ABL2: variants seen among roughly 807,000 people sequenced by gnomAD.
The protein encoded by ABL2 is ABL proto-oncogene 2, non-receptor tyrosine kinase, also known as tyrosine-protein kinase ABL2.
Under a neutral mutation model 107.7 loss-of-function variants are expected in ABL2, and 49 were observed. The ratio of observed to expected loss-of-function variants is 0.45; its 90% confidence interval spans 0.36 to 0.58. The LOEUF (loss-of-function observed/expected upper bound fraction) is 0.58. Among genes scored for constraint, ABL2 ranks in the 20% least tolerant of loss-of-function variants. ABL2 has a pLI of 0.00. For missense variants in ABL2, 1,245 were observed against 1,457.0 expected (o/e 0.85, Z 2.37); for synonymous variants, 549 against 548.6 (o/e 1.00, Z -0.01).
Position 179,229,646 on chromosome 1 carries a change from G to GCCGCCT in ABL2, c.-250_-249insAGGCGG. On this transcript the variant is annotated 5_prime_UTR_variant, in exon 1 of 12. Coordinates refer to ENST00000502732, the MANE Select transcript of ABL2 (RefSeq NM_007314.4). ...CCGCGCCCCCAACGCCGCCGCCGCC[G>GCCGCCT]CCGCCGCCACCGCCGCCGCCATCTT... The GCCGCCT allele has an allele frequency of 2.0e-6, 1 of 495,928 alleles. No individual in the cohort carries two copies. Among genetic ancestry groups the GCCGCCT allele is most frequent in the Non-Finnish European group, 3.5e-6 (1 of 287,170 alleles). 30.7% of individuals were successfully genotyped at this position (495,928 alleles called of 1,614,324 possible). A position where few individuals can be genotyped will look rare whatever the true frequency, so the allele number is the denominator to read the frequency against.
intron 1 of ABL2, among the ~76,000 whole-genome samples, chr1:179,179,848 C>T (rs1163354961): frequency 1.3e-5 from 2 of 151,892 alleles, no homozygotes; most frequent in Non-Finnish European, 2.9e-5. Flanking sequence ...TGCTTGTAAT[C>T]CCAGGACTTT....
At chr1:179,156,782 G>A (rs113848130) in intron 1 of ABL2, among the ~76,000 whole-genome samples, 98 of 152,120 alleles carry the variant, frequency 6.4e-4, no homozygotes, top group African/African-American at 2.1e-3. Context: ...GAAAGGTGAC[G>A]CAGGAGAATT....
intron 1 of ABL2, among the ~76,000 whole-genome samples, chr1:179,178,207 G>C (rs1045774190): frequency 4.6e-5 from 7 of 151,910 alleles, no homozygotes; most frequent in Non-Finnish European, 8.8e-5. Flanking sequence ...AGACCAGCCT[G>C]GTCAACATGG....
At chr1:179,145,306 C>A (rs1657905850) in intron 1 of ABL2, among the ~76,000 whole-genome samples, 1 of 152,058 alleles carries the variant, frequency 6.6e-6, no homozygotes, top group Non-Finnish European at 1.5e-5. Flanking sequence ...ATAGTAAATT[C>A]TGATACTTTG....
chr1:179,224,852 C>CAA (rs34472235), intron 1 of ABL2, among the ~76,000 whole-genome samples: 17 of 64,938 alleles, frequency 2.6e-4, no homozygotes, highest in Admixed American at 5.2e-4. Context: ...TCCGTCTCTA[C>CAA]AAAAAAAAAA....
intron 1 of ABL2, among the ~76,000 whole-genome samples, chr1:179,173,337 A>G (rs1659839393): frequency 6.6e-6 from 1 of 150,820 alleles, no homozygotes; most frequent in Admixed American, 6.6e-5. Context: ...AGCCACAAAC[A>G]TTAAAGTTAG....
intron 6 of ABL2, 107 bp downstream of exon 6, chr1:179,120,083 C>A: frequency 1.5e-6 from 1 of 656,412 alleles, no homozygotes; most frequent in South Asian, 2.6e-5. Flanking sequence ...CAGAGCGAGA[C>A]CCTGTCTCTA....
intron 1 of ABL2, among the ~76,000 whole-genome samples, chr1:179,144,530 A>T (rs1657861920): frequency 6.6e-6 from 1 of 152,226 alleles, no homozygotes; most frequent in Admixed American, 6.5e-5. Flanking sequence ...ATAAATATTT[A>T]TTAAGCACCT....
intron 1 of ABL2, among the ~76,000 whole-genome samples, chr1:179,163,937 G>A (rs1310914854): frequency 6.6e-6 from 1 of 152,162 alleles, no homozygotes; most frequent in Non-Finnish European, 1.5e-5. Context: ...GTCTCCCACA[G>A]AAGCCAATCT....
At chr1:179,166,245 G>A (rs1158274547) in intron 1 of ABL2, among the ~76,000 whole-genome samples, 1 of 152,016 alleles carries the variant, frequency 6.6e-6, no homozygotes, top group East Asian at 1.9e-4. Flanking sequence ...CAGACAAATG[G>A]AGCTATATTA....
intron 1 of ABL2, among the ~76,000 whole-genome samples, chr1:179,174,668 T>C (rs983338410): frequency 1.3e-5 from 2 of 151,348 alleles, no homozygotes; most frequent in African/African-American, 4.9e-5. Context: ...CTACTGGGGC[T>C]GAGCACAGTG....
intron 3 of ABL2, among the ~76,000 whole-genome samples, chr1:179,130,473 T>C (rs373713351): frequency 2.6e-5 from 4 of 152,228 alleles, no homozygotes; most frequent in African/African-American, 9.6e-5. Context: ...TGCATGAAGA[T>C]AGTAGTTCAG....
At chr1:179,124,464 CTTTT>C (rs562899587) in intron 4 of ABL2, among the ~76,000 whole-genome samples, 2 of 83,350 alleles carry the variant, frequency 2.4e-5, no homozygotes, top group African/African-American at 5.3e-5. Flanking sequence ...TTAGCTTCTG[CTTTT>C]TTTTTTTTTT....
intron 1 of ABL2, among the ~76,000 whole-genome samples, chr1:179,175,318 G>T (rs1423411014): frequency 6.8e-6 from 1 of 146,602 alleles, no homozygotes; most frequent in Non-Finnish European, 1.5e-5. Context: ...AGAAAATAAA[G>T]AGAGGCAAGA....
rs28991603 is a variant in ABL2, at chr1:179,203,714, T to C, written c.157+25527A>G. On this transcript the variant is annotated intron_variant, in intron 1 of 11. Transcript: ENST00000502732. ...GCCCCACATGCTATACATTATTTCATTTAGTATGAAATTGGGATAAGAGAA... is the reference window on the plus strand; with the variant it reads ...GCCCCACATGCTATACATTATTTCACTTAGTATGAAATTGGGATAAGAGAA... 2.0e-4 allele frequency among the ~76,000 whole-genome samples: 31 copies of C among 152,280 alleles called. No individual in the cohort carries two copies. In the East Asian group the frequency reaches 5.8e-3, roughly 28 times the overall value.
chr1:179,108,200 T>G lies in ABL2; in HGVS notation c.3067A>C (p.Lys1023Gln). Residue 1023 changes from lysine (K) to glutamine (Q), a missense_variant, in exon 12 of 12, where the codon AAG becomes CAG. Coordinates refer to ENST00000502732, the MANE Select transcript of ABL2 (RefSeq NM_007314.4). ...GGCACTGCGCCCAGAGCTGCCTTCT[T>G]TCCTCCTTCCTGTGTTTCTGATGTG... ...QSTSETQEGG[K>Q]KAALGAVPIS... 1 of 1,614,172 alleles carries G rather than the reference T, an allele frequency of 6.2e-7. No homozygotes were observed. Among genetic ancestry groups the G allele is most frequent in the African/African-American group, 1.3e-5 (1 of 75,038 alleles).
In ABL2 at chr1:179,190,479, A is replaced by G. The variant is rs571102515; in HGVS notation, c.157+38762T>C. Among the ~76,000 whole-genome samples, 14 of 152,326 alleles carry G rather than the reference A, an allele frequency of 9.2e-5. No homozygotes were observed. In the South Asian group the frequency reaches 2.1e-3, roughly 23 times the overall value. On this transcript the variant is annotated intron_variant, in intron 1 of 11. Transcript: ENST00000502732. ...AGCTATCCCAAAGCTGTCTCAACCC[A>G]GTACTTCTAGGTTTCGTGGAAGCTT...
intron 3 of ABL2, among the ~76,000 whole-genome samples, chr1:179,127,130 ACTT>A (rs1443277875): frequency 6.6e-6 from 1 of 152,208 alleles, no homozygotes; most frequent in Non-Finnish European, 1.5e-5. Flanking sequence ...ATACAAAGTG[ACTT>A]CTAAATTTCA....
Position 179,101,030 on chromosome 1 carries a change from T to C in ABL2, c.*6688A>G, listed in dbSNP as rs1426894406. Reference sequence around the variant, plus strand: ...CGCAGCAACTGCCAAGTGAACACTCTCAGGAAACCACTTCAAGTGGCGGAT... The same window carrying C: ...CGCAGCAACTGCCAAGTGAACACTCCCAGGAAACCACTTCAAGTGGCGGAT... On this transcript the variant is annotated 3_prime_UTR_variant, in exon 12 of 12. Transcript: ENST00000502732. The C allele has an allele frequency of 8.6e-6, 2 of 232,528 alleles. No homozygotes were observed. The highest frequency in any genetic ancestry group is 1.7e-5 in the Non-Finnish European group (2 of 117,674). The allele number at this position is 232,528 out of a possible 1,614,324, so 14.4% of individuals were successfully genotyped here. A position where few individuals can be genotyped will look rare whatever the true frequency, so the allele number is the denominator to read the frequency against.
Sources: gnomAD v4.1 joint callset for allele counts (sites outside exome capture counted in the v4.1 genomes callset) on GRCh38, gnomAD v4.1.1 for gene constraint, MANE v1.5 for transcripts, NCBI Gene and HGNC (gene_info 2026-07-23, HGNC 2026-07-21) for gene names.